The following PLEKHG5 variants were observed in gnomAD, a reference collection of about 807,000 sequenced individuals.
PLEKHG5 encodes pleckstrin homology domain-containing family G member 5.
In PLEKHG5, 52 loss-of-function variants were observed where a neutral mutation model predicts 103.8. The ratio of observed to expected loss-of-function variants is 0.50; its 90% CI spans 0.40 to 0.63. PLEKHG5 has a LOEUF of 0.63. Among genes scored for constraint, PLEKHG5 ranks in the 30% least tolerant of loss-of-function variants. The probability of loss-of-function intolerance (pLI) is 0.00; values close to 1 mark genes in which losing one functional copy is unlikely to be tolerated. For synonymous variants in PLEKHG5, 592 were observed against 575.5 expected, an observed-to-expected ratio of 1.03 and a Z score of -0.41; for missense variants, 1,205 against 1,347.6, an observed-to-expected ratio of 0.89 and a Z score of 1.66.
Position 6,491,093 on chromosome 1 carries a change from CTTTT to C in PLEKHG5, c.-88+540_-88+543del, listed in dbSNP as rs545166285. ...CAGCCCGCTTTTCTCTGGGCCCCCT[CTTTT>C]TTTTTTTTCTGGCCCAGGTGATATG... On this transcript the variant is annotated intron_variant, in intron 1 of 20. Coordinates refer to ENST00000377728, the MANE Select transcript of PLEKHG5 (RefSeq NM_020631.6). This position sits in a 1 kb window ranked among gnomAD's most constrained non-coding sequence, Gnocchi z 4.1. Among the ~76,000 whole-genome samples, 1 of 145,788 alleles carries C rather than the reference CTTTT, an allele frequency of 6.9e-6. No individual in the cohort carries two copies.
In PLEKHG5 at chr1:6,510,311, G is replaced by A. The variant is rs140024716; in HGVS notation, c.-165+9134C>T. Among the ~76,000 whole-genome samples, 958 of 151,630 alleles carry A rather than the reference G, an allele frequency of 6.3e-3. 13 individuals are homozygous for A. Among genetic ancestry groups the A allele is most frequent in the African/African-American group, 0.021 (875 of 41,306 alleles). On this transcript the variant is annotated intron_variant, in intron 1 of 21. Transcript: ENST00000377740. ...TAAAAAGAAGAATCTGCCTCTGCCC[G>A]GCCGGGCACAGTGGCTCACGCCTGT...
upstream of PLEKHG5, chr1:6,496,409 G>T: frequency 9.2e-7 from 1 of 1,086,216 alleles, no homozygotes; most frequent in Non-Finnish European, 1.4e-6. Context: ...GGGCTCTGTG[G>T]ATAGCTGGTG....
At position 6,473,317 on chromosome 1, in the gene PLEKHG5, C is replaced by T. The variant is rs776630527; in HGVS notation, c.729G>A (p.Lys243=). The change falls in exon 8 of 21, where the codon AAG becomes AAA. Residue 243 remains lysine (K), a synonymous_variant. Coordinates refer to ENST00000377728, the MANE Select transcript of PLEKHG5 (RefSeq NM_020631.6). Reference sequence around the variant, plus strand: ...CGCTGAAGCGACTGGCCGCCCGGTTCTTCCAGCTGTCGCCAGTGTTGGTGC... The same window carrying T: ...CGCTGAAGCGACTGGCCGCCCGGTTTTTCCAGCTGTCGCCAGTGTTGGTGC... ...SGSTNTGDSW[K]NRAASRFSGF... 15 of 1,570,434 alleles carry T rather than the reference C, an allele frequency of 9.6e-6. No individual in the cohort carries two copies. In the East Asian group the frequency reaches 1.7e-4, roughly 17 times the overall value.
intron 2 of PLEKHG5, 141 bp from the exon 3 acceptor site, chr1:6,476,177 G>T: frequency 1.4e-6 from 1 of 732,758 alleles, no homozygotes; most frequent in Non-Finnish European, 2.4e-6. Context: ...TGTGAGGAGA[G>T]GGGCTCAGTC....
intron 1 of PLEKHG5, among the ~76,000 whole-genome samples, chr1:6,510,887 G>A (rs1000289825): frequency 1.3e-4 from 19 of 151,926 alleles, no homozygotes; most frequent in African/African-American, 4.1e-4. Context: ...TCAGGAGTTC[G>A]AGACTAGCCT....
chr1:6,475,980 C>A lies in PLEKHG5; in HGVS notation c.100G>T (p.Ala34Ser), dbSNP rs760113279. Residue 34 changes from alanine to serine, a missense_variant, in exon 3 of 21, where the codon GCA becomes TCA. Transcript: ENST00000377728. The stretch of plus-strand genomic sequence containing the variant: ...TCCTCCTCCTCCTCCAAGTCCACTG[C>A]GGGGCTGGTGCGCGGCGGGCATGAC... ...TRSCPPRTSP[A>S]VDLEEEEEES... 1 of 1,613,960 alleles carries A rather than the reference C, an allele frequency of 6.2e-7. No homozygotes were observed. The highest frequency in any genetic ancestry group is 1.1e-5 in the South Asian group (1 of 91,084).
intron 1 of PLEKHG5, among the ~76,000 whole-genome samples, chr1:6,504,468 C>T (rs1244728064): frequency 6.6e-6 from 1 of 152,242 alleles, no homozygotes; most frequent in Non-Finnish European, 1.5e-5. Flanking sequence ...ATTCCCCCTC[C>T]TCCACAGTGG....
At chr1:6,467,610 G>A (rs372612850) in intron 20 of PLEKHG5, 38 bp from the exon 21 acceptor site, 139 of 1,609,436 alleles carry the variant, frequency 8.6e-5, no homozygotes, top group Non-Finnish European at 1.1e-4. Flanking sequence ...TTCTTTGGCT[G>A]ACGCCATTCA....
chr1:6,485,386 G>A, intron 1 of PLEKHG5: 1 of 1,398,534 alleles, frequency 7.2e-7, no homozygotes, highest in Non-Finnish European at 9.2e-7. Flanking sequence ...CGGAGGGGCA[G>A]CCCCGGGCCC....
chr1:6,484,596 CT>C, intron 1 of PLEKHG5, among the ~76,000 whole-genome samples: 1 of 152,256 alleles, frequency 6.6e-6, no homozygotes, highest in South Asian at 2.1e-4. Flanking sequence ...ACCCCAGAGT[CT>C]CCCCAGCTCC....
upstream of PLEKHG5, chr1:6,496,372 C>A (rs1645224079): frequency 1.4e-6 from 1 of 707,810 alleles, no homozygotes; most frequent in Non-Finnish European, 2.4e-6. Flanking sequence ...ACACTTGAAC[C>A]CAGCCCAGCC....
At chr1:6,476,486 C>T (rs1292778202) in intron 2 of PLEKHG5, among the ~76,000 whole-genome samples, 1 of 152,216 alleles carries the variant, frequency 6.6e-6, no homozygotes, top group Admixed American at 6.5e-5. Context: ...AGCCACCTTG[C>T]CTGGCCTTAG....
At chr1:6,479,282 CTT>C (rs59798457) in intron 1 of PLEKHG5, among the ~76,000 whole-genome samples, 55 of 130,890 alleles carry the variant, frequency 4.2e-4, no homozygotes, top group African/African-American at 1.1e-3. Flanking sequence ...TCTGTTTATC[CTT>C]TTTTTTTTTT....
chr1:6,504,253 C>T (rs953258052), intron 1 of PLEKHG5, among the ~76,000 whole-genome samples: 1 of 152,086 alleles, frequency 6.6e-6, no homozygotes, highest in Non-Finnish European at 1.5e-5. Context: ...GGAGATTTGC[C>T]CCCCCAACAT....
chr1:6,473,386 G>A lies in PLEKHG5; in HGVS notation c.660C>T (p.Pro220=), dbSNP rs1392429509. 1.2e-5 allele frequency: 18 copies of A among 1,547,254 alleles called. No individual in the cohort carries two copies. Among genetic ancestry groups the A allele is most frequent in the Non-Finnish European group, 1.5e-5 (17 of 1,145,508 alleles). Residue 220 remains proline, a synonymous_variant, in exon 8 of 21, where the codon CCC becomes CCT. Coordinates refer to ENST00000377728, the MANE Select transcript of PLEKHG5 (RefSeq NM_020631.6). ...LGEASIPGQE[P]PTPSSCSLPS... is the part of the protein sequence containing the mutation. ...GCAGAGAGCAGCTGGAGGGCGTGGG[G>A]GGCTCCTGCCCGGGGATGCTCGCCT... is the stretch of plus-strand genomic sequence containing the variant.
intron 1 of PLEKHG5, among the ~76,000 whole-genome samples, chr1:6,510,857 C>T (rs1289324687): frequency 2.0e-5 from 3 of 152,068 alleles, no homozygotes; most frequent in Admixed American, 6.5e-5. Context: ...GAGGCCAAGG[C>T]GGGTGGGGAT....
chr1:6,512,042 T>A (rs1352270832), intron 1 of PLEKHG5, among the ~76,000 whole-genome samples: 1 of 152,204 alleles, frequency 6.6e-6, no homozygotes, highest in Non-Finnish European at 1.5e-5. Flanking sequence ...ACCAGGACTC[T>A]GGACCAAGGG....
At chr1:6,484,560 C>T (rs1335783233) in intron 1 of PLEKHG5, among the ~76,000 whole-genome samples, 7 of 152,154 alleles carry the variant, frequency 4.6e-5, no homozygotes, top group African/African-American at 1.7e-4. Context: ...TTCTGCTCCC[C>T]GTTCTGCCTC....
At chr1:6,481,274 T>C (rs917259406) in intron 1 of PLEKHG5, among the ~76,000 whole-genome samples, 1 of 152,160 alleles carries the variant, frequency 6.6e-6, no homozygotes, top group African/African-American at 2.4e-5. Flanking sequence ...GCTATGCCTG[T>C]AATCCCAGCA....
Sources: gnomAD v4.1 joint callset for allele counts (sites outside exome capture counted in the v4.1 genomes callset) on GRCh38, gnomAD v4.1.1 for gene constraint, Gnocchi (gnomAD v3.1) non-coding constraint, MANE v1.5 for transcripts, NCBI Gene and HGNC (gene_info 2026-07-23, HGNC 2026-07-21) for gene names.